MOB1B: variants seen among roughly 807,000 people sequenced by gnomAD.
The protein encoded by MOB1B is MOB kinase activator 1B.
In MOB1B, 19 loss-of-function variants were observed where a neutral mutation model predicts 24.4. The observed-to-expected ratio is 0.78, with a 90% confidence interval of 0.54 to 1.14. The LOEUF is 1.14. Among genes scored for constraint, MOB1B ranks in the 50% most tolerant of loss-of-function variants. The pLI is 0.00. For missense variants in MOB1B, 243 were observed against 259.6 expected (o/e 0.94, Z 0.44); for synonymous variants, 76 against 82.1 (o/e 0.93, Z 0.40).
At chr4:70,913,036 G>A (rs1464361151) in intron 1 of MOB1B, among the ~76,000 whole-genome samples, 1 of 152,212 alleles carries the variant, frequency 6.6e-6, no homozygotes, top group African/African-American at 2.4e-5. Flanking sequence ...GGCATTACAG[G>A]TGTGAGCCAC....
intron 1 of MOB1B, among the ~76,000 whole-genome samples, chr4:70,946,081 G>GTTTTTTTTTTTTT (rs1560648567): frequency 2.3e-5 from 2 of 85,184 alleles, no homozygotes. Flanking sequence ...GTTTTTGTTT[G>GTTTTTTTTTTTTT]TTCTTTTTTT....
rs994650794 is a variant in MOB1B, at chr4:70,952,363, A to G, written c.15-6511A>G. 3.3e-5 allele frequency among the ~76,000 whole-genome samples: 5 copies of G among 152,220 alleles called. No homozygotes were observed. The East Asian group carries it at 9.6e-4, about 29-fold the overall frequency. On this transcript the variant is annotated intron_variant, in intron 1 of 5. Coordinates refer to ENST00000309395, the MANE Select transcript of MOB1B (RefSeq NM_173468.4). ...CTACTGTGTAAAAGCAAATAAAAAC[A>G]GGCACAAAACTTTCTAATGCCTGTA...
intron 1 of MOB1B, chr4:70,950,812 GT>G: frequency 6.8e-7 from 1 of 1,481,022 alleles, no homozygotes; most frequent in Non-Finnish European, 9.1e-7. Context: ...TGAATGAAAG[GT>G]TAGTACCTAG....
intron 1 of MOB1B, among the ~76,000 whole-genome samples, chr4:70,946,911 G>C (rs1485720357): frequency 6.6e-6 from 1 of 152,196 alleles, no homozygotes; most frequent in Non-Finnish European, 1.5e-5. Context: ...CTTAAGCCTA[G>C]TGAGTTTGGG....
intron 1 of MOB1B, among the ~76,000 whole-genome samples, chr4:70,950,190 CTTT>C (rs748014450): frequency 6.6e-6 from 1 of 152,014 alleles, no homozygotes; most frequent in Non-Finnish European, 1.5e-5. Context: ...AATCCCAGCA[CTTT>C]GGGAGGCTGA....
rs1392541792 is a variant in MOB1B, at chr4:70,958,983, C to T, written c.124C>T (p.Arg42Trp). 9.9e-6 allele frequency: 16 copies of T among 1,613,994 alleles called. No individual in the cohort carries two copies. The highest frequency in any genetic ancestry group is 3.3e-5 in the South Asian group (3 of 91,072). The change falls in exon 2 of 6, where the codon CGG (arginine) becomes TGG (tryptophan). Residue 42 changes from arginine (R) to tryptophan (W), a missense_variant. Coordinates refer to ENST00000309395, the MANE Select transcript of MOB1B (RefSeq NM_173468.4). ...AGCCACACTTGGCAGTGGCAACCTT[C>T]GGATGGCTGTCATGCTTCCTGAAGG... is the stretch of plus-strand genomic sequence containing the variant. ...AEATLGSGNL[R>W]MAVMLPEGED...
chr4:70,939,750 CT>C (rs1737254665), intron 1 of MOB1B, among the ~76,000 whole-genome samples: 1 of 152,188 alleles, frequency 6.6e-6, no homozygotes, highest in Non-Finnish European at 1.5e-5. Flanking sequence ...ACCCGGTGCT[CT>C]TTTAGTTTAC....
At chr4:70,956,607 T>C (rs1738063904) in intron 1 of MOB1B, among the ~76,000 whole-genome samples, 2 of 151,928 alleles carry the variant, frequency 1.3e-5, no homozygotes. Context: ...AGTTTTGTAT[T>C]TTTTGTAGAG....
rs558557256 is a variant in MOB1B at position 70,986,918 on chromosome 4, G to C, written c.*4861G>C. On this transcript the variant is annotated 3_prime_UTR_variant, in exon 6 of 6. Coordinates refer to ENST00000309395, the MANE Select transcript of MOB1B (RefSeq NM_173468.4). Reference sequence around the variant, plus strand: ...CACTGTATGTCTGTCACTTGTAGCTGAACTGATTCACATTTTGACAAAAGA... The same window carrying C: ...CACTGTATGTCTGTCACTTGTAGCTCAACTGATTCACATTTTGACAAAAGA... The C allele has an allele frequency of 6.6e-6, 1 of 152,266 alleles. No individual in the cohort carries two copies. The highest frequency in any genetic ancestry group is 2.4e-5 in the African/African-American group (1 of 41,570). The allele number at this position is 152,266 out of a possible 1,614,324, so 9.4% of individuals were successfully genotyped here.
At chr4:70,909,728 A>G (rs971070164) in intron 1 of MOB1B, among the ~76,000 whole-genome samples, 1 of 151,080 alleles carries the variant, frequency 6.6e-6, no homozygotes. Flanking sequence ...CCTGTCTTAT[A>G]CTTCTTTTTT....
At chr4:70,953,372 A>AT (rs939347189) in intron 1 of MOB1B, among the ~76,000 whole-genome samples, 56 of 152,296 alleles carry the variant, frequency 3.7e-4, no homozygotes, top group African/African-American at 1.3e-3. Context: ...TAAAAAGAGT[A>AT]TTTTTTAAAA....
chr4:70,988,154 AC>A lies in MOB1B; in HGVS notation c.*6098del, dbSNP rs1454613404. 1 of 152,414 alleles carries A rather than the reference AC, an allele frequency of 6.6e-6. No homozygotes were observed. Among genetic ancestry groups the A allele is most frequent in the East Asian group, 1.9e-4 (1 of 5,190 alleles). 9.4% of individuals were successfully genotyped at this position (152,414 alleles called of 1,614,324 possible). ...ATAAGAAAAAAATGAATAAATAGTT[AC>A]GTTTGGCCATGAATCCTGACTTTGC... On this transcript the variant is annotated 3_prime_UTR_variant, in exon 6 of 6. Transcript: ENST00000309395.
At chr4:70,969,021 T>G (rs901400830) in intron 2 of MOB1B, among the ~76,000 whole-genome samples, 2 of 152,236 alleles carry the variant, frequency 1.3e-5, no homozygotes, top group Admixed American at 1.3e-4. Flanking sequence ...ATGTCATAAA[T>G]CAAATGTTTC....
At chr4:70,937,102 G>C (rs2148882497) in intron 1 of MOB1B, among the ~76,000 whole-genome samples, 1 of 152,098 alleles carries the variant, frequency 6.6e-6, no homozygotes, top group East Asian at 1.9e-4. Flanking sequence ...ATTTTTAGTA[G>C]AGACGGGGTT....
intron 3 of MOB1B, among the ~76,000 whole-genome samples, chr4:70,971,876 C>T (rs903829918): frequency 9.9e-5 from 15 of 152,080 alleles, no homozygotes; most frequent in African/African-American, 3.6e-4. Flanking sequence ...CTCCTGCCTG[C>T]GTGTCTGCTT....
intron 2 of MOB1B, among the ~76,000 whole-genome samples, chr4:70,966,126 T>G (rs1414215139): frequency 6.6e-6 from 1 of 152,220 alleles, no homozygotes; most frequent in Non-Finnish European, 1.5e-5. Context: ...ATCTAACTTT[T>G]GAAATGAACA....
At chr4:70,926,821 C>T (rs1431336709) in intron 1 of MOB1B, among the ~76,000 whole-genome samples, 1 of 151,412 alleles carries the variant, frequency 6.6e-6, no homozygotes, top group African/African-American at 2.4e-5. Flanking sequence ...ACGGTGAAAC[C>T]CCGTCTCTAC....
intron 1 of MOB1B, among the ~76,000 whole-genome samples, chr4:70,928,232 A>C (rs981719869): frequency 5.3e-5 from 8 of 151,398 alleles, no homozygotes; most frequent in Non-Finnish European, 1.0e-4. Flanking sequence ...AATCTCTACC[A>C]CCTAGCATAG....
intron 4 of MOB1B, chr4:70,975,931 T>A: frequency 1.7e-6 from 1 of 578,170 alleles, no homozygotes; most frequent in Non-Finnish European, 2.2e-6. Context: ...CAAGAGTATC[T>A]CTGTATTGCC....
Sources: gnomAD v4.1 joint callset for allele counts (sites outside exome capture counted in the v4.1 genomes callset) on GRCh38, gnomAD v4.1.1 for gene constraint, MANE v1.5 for transcripts, NCBI Gene and HGNC (gene_info 2026-07-23, HGNC 2026-07-21) for gene names.